The following CEP250 variants were observed in gnomAD, a reference collection of about 807,000 sequenced individuals.
The protein encoded by CEP250 is centrosome-associated protein CEP250.
CEP250 carries 242 observed loss-of-function variants against 315.7 expected under a neutral mutation model. The observed-to-expected ratio is 0.77, with a 90% CI of 0.69 to 0.85. CEP250 has a LOEUF of 0.85. Among genes scored for constraint, CEP250 ranks in the 40% least tolerant of loss-of-function variants. CEP250 has a pLI of 0.00. For missense variants in CEP250, 2,515 were observed against 2,886.4 expected (o/e 0.87, Z 2.95); for synonymous variants, 1,088 against 1,175.0 (o/e 0.93, Z 1.51).
chr20:35,506,893 A>G (rs969302763), intron 30 of CEP250, among the ~76,000 whole-genome samples: 15 of 152,202 alleles, frequency 9.9e-5, no homozygotes, highest in East Asian at 3.9e-4. Flanking sequence ...AGGCACAGCA[A>G]AAGTAAGTTA....
Position 35,467,550 on chromosome 20 carries a change from G to A in CEP250, c.846G>A (p.Gln282=). The part of the protein sequence containing the change: ...SQGDLEKAEL[Q]DRVTELSALL... ...GGGATCTGGAGAAGGCTGAACTTCA[G>A]GACCGGTGAGATGGCCTGGGGTCCC... The change falls in exon 9 of 35, where the codon CAG becomes CAA. Residue 282 remains glutamine, a synonymous_variant. Coordinates refer to ENST00000397527, the MANE Select transcript of CEP250 (RefSeq NM_007186.6). 6.2e-7 allele frequency: 1 copy of A among 1,613,194 alleles called. No individual in the cohort carries two copies. The highest frequency in any genetic ancestry group is 8.5e-7 in the Non-Finnish European group (1 of 1,179,688).
At chr20:35,469,755 G>C (rs1212628028) in intron 9 of CEP250, 135 bp from the exon 10 acceptor site, 1 of 539,206 alleles carries the variant, frequency 1.9e-6, no homozygotes, top group Admixed American at 3.4e-5. Flanking sequence ...AGACGGGCTG[G>C]GGGTGCCTAA....
chr20:35,509,108 C>T, intron 33 of CEP250, 64 bp downstream of exon 33: 1 of 1,326,026 alleles, frequency 7.5e-7, no homozygotes, highest in Non-Finnish European at 1.1e-6. Context: ...AAACTCAGCC[C>T]TCCTCATTGC....
chr20:35,462,382 C>A lies in CEP250; in HGVS notation c.15C>A (p.Ser5Arg). Residue 5 changes from serine to arginine, a missense_variant, in exon 4 of 35, where the codon AGC (serine) becomes AGA (arginine). Coordinates refer to ENST00000397527, the MANE Select transcript of CEP250 (RefSeq NM_007186.6). ...CTGGTGCCCTCATGGAGACAAGAAGCCCTGGGTTGAACAACATGAAGCCCC... is the reference window on the plus strand; with the variant it reads ...CTGGTGCCCTCATGGAGACAAGAAGACCTGGGTTGAACAACATGAAGCCCC... METR[S>R]PGLNNMKPQS... The A allele has an allele frequency of 6.3e-7, 1 of 1,589,338 alleles. No individual in the cohort carries two copies. The highest frequency in any genetic ancestry group is 1.1e-5 in the South Asian group (1 of 87,508).
intron 25 of CEP250, 88 bp downstream of exon 25, chr20:35,496,803 G>A: frequency 7.1e-7 from 1 of 1,407,860 alleles, no homozygotes; most frequent in South Asian, 1.4e-5. Context: ...TCCTCTCATG[G>A]AGAGGACCCA....
chr20:35,476,196 TTG>T, intron 15 of CEP250: 1 of 371,340 alleles, frequency 2.7e-6, no homozygotes, highest in Non-Finnish European at 4.9e-6. Flanking sequence ...CCAGAGCACT[TTG>T]TGCTTACATT....
intron 1 of CEP250, among the ~76,000 whole-genome samples, chr20:35,457,913 C>T (rs141618102): frequency 4.6e-5 from 7 of 152,242 alleles, no homozygotes; most frequent in African/African-American, 1.4e-4. Context: ...GAAAAGGCAG[C>T]AAAGGAGACT....
intron 20 of CEP250, chr20:35,481,048 T>G (rs891785128): frequency 6.6e-6 from 1 of 152,178 alleles, no homozygotes; most frequent in Non-Finnish European, 1.5e-5. Context: ...ACCTTTAATA[T>G]TTTTAAACAT....
rs928201799 is a variant in CEP250 at position 35,513,029 on chromosome 20, C to T, written c.*1403C>T. ...GACCTCCTAATTTGGGGCTCAGCCC[C>T]ATTATGTCTCATTGCACCACACAGA... On this transcript the variant is annotated 3_prime_UTR_variant, in exon 35 of 35. Transcript: ENST00000397527. The T allele has an allele frequency of 2.0e-5, 3 of 152,252 alleles. No homozygotes were observed. Among genetic ancestry groups the T allele is most frequent in the Admixed American group, 6.5e-5 (1 of 15,282 alleles). The allele number at this position is 152,252 out of a possible 1,614,324, so 9.4% of individuals were successfully genotyped here. A position where few individuals can be genotyped will look rare whatever the true frequency, so the allele number is the denominator to read the frequency against.
chr20:35,498,149 G>C, intron 26 of CEP250, 82 bp downstream of exon 26: 1 of 1,033,072 alleles, frequency 9.7e-7, no homozygotes, highest in Non-Finnish European at 1.4e-6. Context: ...AATGCTATTT[G>C]TTAGACCATA....
Position 35,500,123 on chromosome 20 carries a change from C to T in CEP250, c.3852C>T (p.His1284=). 1 of 1,613,804 alleles carries T rather than the reference C, an allele frequency of 6.2e-7. No homozygotes were observed. Among genetic ancestry groups the T allele is most frequent in the Non-Finnish European group, 8.5e-7 (1 of 1,179,958 alleles). ...CTGAGGCTGAGAAGAGCCAGGTCCA[C>T]ACAGAGTTGCAGGATCTGCAGAGAC... is the stretch of plus-strand genomic sequence containing the variant. ...TDTEAEKSQV[H]TELQDLQRQL... Residue 1284 remains histidine, a synonymous_variant, in exon 28 of 35, where the codon CAC becomes CAT. Coordinates refer to ENST00000397527, the MANE Select transcript of CEP250 (RefSeq NM_007186.6).
chr20:35,463,510 G>T (rs1204867695), intron 4 of CEP250, 65 bp from the exon 5 acceptor site: 11 of 1,442,536 alleles, frequency 7.6e-6, no homozygotes, highest in Non-Finnish European at 9.4e-6. Context: ...ATCCTCAGGG[G>T]CCTTTGCTTT....
Position 35,473,911 on chromosome 20 carries a change from A to AGCC in CEP250, c.1432_1433insCGC (p.Gln477_Gln478insPro). ...CAGAAGGCCAGGGAAGAGCTGCGGCAGCAGCTGGAGGTGCTAGAGCAGGAG... is the reference window on the plus strand; with the variant it reads ...CAGAAGGCCAGGGAAGAGCTGCGGCAGCCGCAGCTGGAGGTGCTAGAGCAGGAG... On this transcript the variant is annotated inframe_insertion, in exon 14 of 35. Transcript: ENST00000397527. 1 of 1,613,202 alleles carries AGCC rather than the reference A, an allele frequency of 6.2e-7. No homozygotes were observed. The highest frequency in any genetic ancestry group is 8.5e-7 in the Non-Finnish European group (1 of 1,179,694).
At position 35,467,076 on chromosome 20, in the gene CEP250, A is replaced by G; in HGVS notation, c.599+4A>G. On this transcript the variant is annotated splice_donor_region_variant and intron_variant, in intron 8 of 34. Transcript: ENST00000397527. ...AAATGAAGTCAGCTACTGACAGGTC[A>G]GTGTGGGGAGAAGAAGGGAGGAGGT... The G allele has an allele frequency of 6.4e-7, 1 of 1,562,624 alleles. No homozygotes were observed. The highest frequency in any genetic ancestry group is 1.4e-5 in the African/African-American group (1 of 70,406).
At chr20:35,491,971 T>TA (rs2063710888) in intron 22 of CEP250, among the ~76,000 whole-genome samples, 1 of 150,926 alleles carries the variant, frequency 6.6e-6, no homozygotes, top group African/African-American at 2.4e-5. Context: ...TCAAGGAACT[T>TA]ACATTCCTGT....
chr20:35,463,250 A>G (rs1189862600), intron 4 of CEP250, among the ~76,000 whole-genome samples: 2 of 152,144 alleles, frequency 1.3e-5, no homozygotes, highest in Non-Finnish European at 2.9e-5. Flanking sequence ...TAAAAATACA[A>G]AAATTAGCTG....
Position 35,512,361 on chromosome 20 carries a change from G to T in CEP250, c.*735G>T, listed in dbSNP as rs2064381398. On this transcript the variant is annotated 3_prime_UTR_variant, in exon 35 of 35. Transcript: ENST00000397527. Reference sequence around the variant, plus strand: ...GGCAGGGGGTTGGGGCTGAGCTTGGGTGGGTTGAGCGGGGAGATTTTGGAG... The same window carrying T: ...GGCAGGGGGTTGGGGCTGAGCTTGGTTGGGTTGAGCGGGGAGATTTTGGAG... The T allele has an allele frequency of 6.6e-6, 1 of 152,286 alleles. No individual in the cohort carries two copies. Among genetic ancestry groups the T allele is most frequent in the Non-Finnish European group, 1.5e-5 (1 of 68,126 alleles). 9.4% of individuals were successfully genotyped at this position (152,286 alleles called of 1,614,324 possible).
rs778890910 is a variant in CEP250 at position 35,508,148 on chromosome 20, G to A, written c.6864G>A (p.Arg2288=). Reference sequence around the variant, plus strand: ...CCCGGCTGGAGATTGACAGGAGCAGGCTGCAGCGCCACAATGTCCAGCTGC... The same window carrying A: ...CCCGGCTGGAGATTGACAGGAGCAGACTGCAGCGCCACAATGTCCAGCTGC... The part of the protein sequence containing the change: ...AVARLEIDRS[R]LQRHNVQLRS... The change falls in exon 32 of 35, where the codon AGG becomes AGA. Residue 2288 remains arginine (R), a synonymous_variant. Coordinates refer to ENST00000397527, the MANE Select transcript of CEP250 (RefSeq NM_007186.6). The A allele has an allele frequency of 1.2e-6, 2 of 1,614,042 alleles. No homozygotes were observed. Among genetic ancestry groups the A allele is most frequent in the Admixed American group, 3.3e-5 (2 of 60,010 alleles).
At chr20:35,498,131 G>A in intron 26 of CEP250, 64 bp downstream of exon 26, 1 of 1,218,486 alleles carries the variant, frequency 8.2e-7, no homozygotes, top group South Asian at 1.6e-5. Flanking sequence ...CCAGGGGAAA[G>A]GGAGAGGAAT....
Sources: allele counts gnomAD v4.1 joint callset (sites outside exome capture counted in the v4.1 genomes callset), GRCh38; gene constraint gnomAD v4.1.1; transcripts MANE v1.5; gene names NCBI Gene and HGNC (gene_info 2026-07-23, HGNC 2026-07-21).